Variants in MEAK7 observed in about 807,000 individuals in gnomAD.
MEAK7 encodes the protein MTOR associated protein MEAK7.
MEAK7 carries 68 observed loss-of-function variants against 40.5 expected under a neutral mutation model. The ratio of observed to expected loss-of-function variants is 1.68; its 90% CI spans 1.38 to 2.06. MEAK7 has a LOEUF of 2.06. Ranked by LOEUF, MEAK7 falls within the 30% of genes most tolerant of loss-of-function variation. MEAK7 has a pLI of 0.00. For missense variants in MEAK7, 918 were observed against 580.5 expected (o/e 1.58, Z -5.98); for synonymous variants, 338 against 231.9 (o/e 1.46, Z -4.16).
intron 1 of MEAK7, among the ~76,000 whole-genome samples, chr16:84,502,328 G>C (rs1228296493): frequency 7.6e-6 from 1 of 131,576 alleles, no homozygotes; most frequent in African/African-American, 2.7e-5. Flanking sequence ...GCAGAGGCCA[G>C]GGATACTGCT....
rs995446851 is a variant in MEAK7, at chr16:84,479,577, G to T, written c.*336C>A. 6.1e-5 allele frequency: 12 copies of T among 197,408 alleles called. No homozygotes were observed. The Admixed American group carries it at 7.3e-4, about 12-fold the overall frequency. The allele number at this position is 197,408 out of a possible 1,614,324, so 12.2% of individuals were successfully genotyped here. On this transcript the variant is annotated 3_prime_UTR_variant, in exon 8 of 8. Transcript: ENST00000343629. Reference sequence around the variant, plus strand: ...GCGGAATTCCCTAATGCCAGCGGGGGTCTGAAAGGTCTCAGCTGCTTAGGA... The same window carrying T: ...GCGGAATTCCCTAATGCCAGCGGGGTTCTGAAAGGTCTCAGCTGCTTAGGA...
intron 2 of MEAK7, among the ~76,000 whole-genome samples, chr16:84,496,821 C>T (rs1368797023): frequency 6.6e-6 from 1 of 152,156 alleles, no homozygotes; most frequent in Non-Finnish European, 1.5e-5. Context: ...TGCCTCTGGC[C>T]ACCATCTGAG....
chr16:84,499,100 G>A (rs147805959), intron 1 of MEAK7, among the ~76,000 whole-genome samples: 224 of 152,342 alleles, frequency 1.5e-3, no homozygotes, highest in African/African-American at 5.0e-3. Context: ...TGAGGCGCTG[G>A]GGTAGCGTTA....
intron 1 of MEAK7, chr16:84,502,739 C>G (rs1914605642): frequency 6.6e-6 from 1 of 152,156 alleles, no homozygotes; most frequent in African/African-American, 2.4e-5. Flanking sequence ...GGTGTGGTGG[C>G]GTGTGACTAT....
intron 1 of MEAK7, among the ~76,000 whole-genome samples, chr16:84,499,524 G>A (rs879763161): frequency 7.9e-5 from 12 of 152,294 alleles, no homozygotes; most frequent in East Asian, 1.9e-4. Flanking sequence ...TCTTCATTGC[G>A]ATGAGATTCA....
intron 1 of MEAK7, among the ~76,000 whole-genome samples, chr16:84,500,254 T>A (rs1263950940): frequency 6.6e-6 from 1 of 152,220 alleles, no homozygotes; most frequent in Non-Finnish European, 1.5e-5. Flanking sequence ...CCGGCTATCA[T>A]GAATAGTGCT....
At position 84,487,257 on chromosome 16, in the gene MEAK7, G is replaced by A. The variant is rs142291061; in HGVS notation, c.530-198C>T. 2.6e-4 allele frequency: 131 copies of A among 510,956 alleles called. No individual in the cohort carries two copies. The Middle Eastern group carries it at 3.5e-3, about 14-fold the overall frequency. The allele number at this position is 510,956 out of a possible 1,614,324, so 31.7% of individuals were successfully genotyped here. A position where few individuals can be genotyped will look rare whatever the true frequency, so the allele number is the denominator to read the frequency against. Reference sequence around the variant, plus strand: ...CAAAGATTTGGTATGAAAAAAGAATGTAAAATATCTCAATTTTTAAATATT... The same window carrying A: ...CAAAGATTTGGTATGAAAAAAGAATATAAAATATCTCAATTTTTAAATATT... On this transcript the variant is annotated intron_variant, in intron 4 of 7. Coordinates refer to ENST00000343629, the MANE Select transcript of MEAK7 (RefSeq NM_020947.4).
At chr16:84,485,393 T>C (rs1912943600) in intron 5 of MEAK7, among the ~76,000 whole-genome samples, 1 of 152,184 alleles carries the variant, frequency 6.6e-6, no homozygotes, top group Non-Finnish European at 1.5e-5. Context: ...TGCTACCTAT[T>C]CCAGCCAGAT....
At chr16:84,493,889 G>C (rs1025201544) in intron 3 of MEAK7, among the ~76,000 whole-genome samples, 1 of 152,120 alleles carries the variant, frequency 6.6e-6, no homozygotes, top group Non-Finnish European at 1.5e-5. Flanking sequence ...GTCCTGATCT[G>C]TAAGTAAAGG....
rs1448323608 is a variant in MEAK7, at chr16:84,489,348, C to A, written c.459G>T (p.Lys153Asn). 11 of 1,614,184 alleles carry A rather than the reference C, an allele frequency of 6.8e-6. No individual in the cohort carries two copies. Among genetic ancestry groups the A allele is most frequent in the Non-Finnish European group, 9.3e-6 (11 of 1,180,014 alleles). ...HRQELRGWTG[K>N]EAPGPNPRVQ... ...CCCGGGGGTTGGGCCCTGGGGCTTC[C>A]TTCCCAGTCCAGCCTCTCAGCTCCT... is the stretch of plus-strand genomic sequence containing the variant. Residue 153 changes from lysine (K) to asparagine (N), a missense_variant, in exon 4 of 8, where the codon AAG (lysine) becomes AAT (asparagine). Physicochemically the swap from Lys to Asn is moderately conservative, Grantham distance 94. Coordinates refer to ENST00000343629, the MANE Select transcript of MEAK7 (RefSeq NM_020947.4).
rs1914750109 is a variant in MEAK7 at position 84,504,610 on chromosome 16, C to A, written c.-35G>T. 1 of 985,650 alleles carries A rather than the reference C, an allele frequency of 1.0e-6. No homozygotes were observed. The highest frequency in any genetic ancestry group is 1.7e-5 in the African/African-American group (1 of 57,376). The allele number at this position is 985,650 out of a possible 1,614,324, so 61.1% of individuals were successfully genotyped here. A position where few individuals can be genotyped will look rare whatever the true frequency, so the allele number is the denominator to read the frequency against. On this transcript the variant is annotated 5_prime_UTR_variant, in exon 1 of 8. Transcript: ENST00000343629. ...CAGCCCAGGTACCTACCCTGCCGGG[C>A]TTCCTGGTGCTGTCCGGTCCGGTCC... is the stretch of plus-strand genomic sequence containing the variant.
chr16:84,479,904 G>T lies in MEAK7; in HGVS notation c.*9C>A. On this transcript the variant is annotated 3_prime_UTR_variant, in exon 8 of 8. Transcript: ENST00000343629. ...CAGGTCCTGGCTCCAGGAAGGCTCA[G>T]GCGGCTCCTCATTCATCGTCCGGGA... 2 of 1,587,390 alleles carry T rather than the reference G, an allele frequency of 1.3e-6. No homozygotes were observed. The highest frequency in any genetic ancestry group is 1.7e-6 in the Non-Finnish European group (2 of 1,162,070).
At chr16:84,484,116 G>A (rs1003751662) in intron 5 of MEAK7, among the ~76,000 whole-genome samples, 7 of 152,148 alleles carry the variant, frequency 4.6e-5, no homozygotes, top group African/African-American at 1.4e-4. Flanking sequence ...GTCTTGCTGC[G>A]GAGCAAGGTC....
Position 84,486,946 on chromosome 16 carries a change from A to C in MEAK7, c.643T>G (p.Cys215Gly). Residue 215 changes from cysteine to glycine, a missense_variant, in exon 5 of 8, where the codon TGC becomes GGC. By Grantham distance (159) the Cys-to-Gly change is radical (BLOSUM62 -3). Transcript: ENST00000343629. ...HVAIFLSVVI[C>G]KGFLILCSSL... ...GAGCACAGGATGAGAAAGCCCTTGC[A>C]AATGACCACACTCAGGAATATGGCC... 1 of 1,614,200 alleles carries C rather than the reference A, an allele frequency of 6.2e-7. No homozygotes were observed. The highest frequency in any genetic ancestry group is 8.5e-7 in the Non-Finnish European group (1 of 1,180,042).
At chr16:84,480,789 C>T (rs984917636) in intron 6 of MEAK7, 81 bp from the exon 7 acceptor site, 5 of 1,463,230 alleles carry the variant, frequency 3.4e-6, no homozygotes, top group African/African-American at 1.4e-5. Context: ...GCCAGCCTCT[C>T]GCCTTAAGTA....
chr16:84,484,434 A>C (rs1226534491), intron 5 of MEAK7, among the ~76,000 whole-genome samples: 1 of 152,158 alleles, frequency 6.6e-6, no homozygotes, highest in Non-Finnish European at 1.5e-5. Flanking sequence ...AAAATGAATC[A>C]ATCACCTTGC....
intron 3 of MEAK7, among the ~76,000 whole-genome samples, chr16:84,492,351 G>A (rs1028831676): frequency 6.6e-6 from 1 of 152,094 alleles, no homozygotes; most frequent in African/African-American, 2.4e-5. Context: ...TTATGGTCAA[G>A]ATGATTAAAA....
At chr16:84,488,726 G>T (rs183676472) in intron 4 of MEAK7, among the ~76,000 whole-genome samples, 287 of 152,220 alleles carry the variant, frequency 1.9e-3, no homozygotes, top group African/African-American at 6.5e-3. Flanking sequence ...AGGGACATTA[G>T]AAAATATTGA....
Position 84,491,210 on chromosome 16 carries a change from C to T in MEAK7, c.385-1788G>A, listed in dbSNP as rs138615391. ...ATCCCTCCACTTTGGGAGGCCAAGG[C>T]GAGTGGATTACTTGAGGTCAGGAGT... On this transcript the variant is annotated intron_variant, in intron 3 of 7. Coordinates refer to ENST00000343629, the MANE Select transcript of MEAK7 (RefSeq NM_020947.4). Among the ~76,000 whole-genome samples the T allele has an allele frequency of 5.2e-3, 787 of 152,114 alleles. 11 individuals carry two copies. The highest frequency in any genetic ancestry group is 0.014 in the African/African-American group (581 of 41,490).
Sources: gnomAD v4.1 joint callset for allele counts (sites outside exome capture counted in the v4.1 genomes callset) on GRCh38, gnomAD v4.1.1 for gene constraint, MANE v1.5 for transcripts, NCBI Gene and HGNC (gene_info 2026-07-23, HGNC 2026-07-21) for gene names.